Variants in CLVS1 observed in about 807,000 individuals in gnomAD.
CLVS1 encodes the protein clavesin 1, also known as clavesin-1.
CLVS1 carries 10 observed loss-of-function variants against 33.1 expected under a neutral mutation model. That is an observed-to-expected ratio of 0.30 (90% CI 0.19 to 0.51). CLVS1 has a LOEUF of 0.51. CLVS1 is among the 20% of genes least tolerant of loss of function. The pLI is 0.97. For missense variants in CLVS1, 343 were observed against 433.4 expected, an observed-to-expected ratio of 0.79 and a Z score of 1.85; for synonymous variants, 163 against 166.1, an observed-to-expected ratio of 0.98 and a Z score of 0.14.
the CLVS1 span, among the ~76,000 whole-genome samples, chr8:60,980,305 T>C: frequency 2.3e-3 from 356 of 152,326 alleles, 2 homozygotes; most frequent in African/African-American, 8.2e-3. Flanking sequence ...TTGGCATGGA[T>C]GTGTATTTAA....
chr8:61,101,346 A>G (rs965645974), intron 1 of CLVS1, among the ~76,000 whole-genome samples: 4 of 152,044 alleles, frequency 2.6e-5, no homozygotes, highest in African/African-American at 9.7e-5. Flanking sequence ...GCATCTTTTT[A>G]TGTGCTTATT....
intron 2 of CLVS1, among the ~76,000 whole-genome samples, chr8:61,348,515 C>A (rs1254433800): frequency 6.6e-6 from 1 of 152,040 alleles, no homozygotes; most frequent in African/African-American, 2.4e-5. Flanking sequence ...ATCATAACGT[C>A]CTTCAGGTTC....
chr8:61,232,033 T>TTG (rs1808451749), intron 2 of CLVS1, among the ~76,000 whole-genome samples: 2 of 46,684 alleles, frequency 4.3e-5, no homozygotes, highest in Admixed American at 2.2e-4. Flanking sequence ...GTTTTTTTTT[T>TTG]TTTTTTTTTT....
chr8:60,966,733 C>T, the CLVS1 span, among the ~76,000 whole-genome samples: 6 of 152,128 alleles, frequency 3.9e-5, no homozygotes, highest in Non-Finnish European at 5.9e-5. Context: ...GTTGAATGAA[C>T]ATGTAAGAAA....
chr8:60,967,797 G>C, the CLVS1 span: 1 of 416,078 alleles, frequency 2.4e-6, no homozygotes, highest in African/African-American at 2.1e-5. Context: ...TGAGTACTCA[G>C]GGCTGCCTCC....
intron 2 of CLVS1, among the ~76,000 whole-genome samples, chr8:61,188,761 GGTAA>G (rs1332123757): frequency 6.6e-6 from 1 of 151,852 alleles, no homozygotes; most frequent in East Asian, 1.9e-4. Context: ...CATGAAAGAA[GGTAA>G]GTTATGGAGC....
intron 1 of CLVS1, among the ~76,000 whole-genome samples, chr8:61,117,697 C>G (rs1158513157): frequency 6.6e-6 from 1 of 152,122 alleles, no homozygotes; most frequent in Non-Finnish European, 1.5e-5. Context: ...TATATTGAAC[C>G]AGCCTTGCAT....
chr8:61,478,218 A>G (rs1398835068), intron 5 of CLVS1, among the ~76,000 whole-genome samples: 1 of 152,116 alleles, frequency 6.6e-6, no homozygotes, highest in Non-Finnish European at 1.5e-5. Context: ...ACATTTGCTG[A>G]GGAGTGCTGT....
chr8:61,042,340 A>G, the CLVS1 span, among the ~76,000 whole-genome samples: 1 of 152,198 alleles, frequency 6.6e-6, no homozygotes, highest in African/African-American at 2.4e-5. Context: ...CTCTATCTTC[A>G]TATTCTTGTA....
chr8:61,216,919 C>T (rs909912740), intron 2 of CLVS1, among the ~76,000 whole-genome samples: 2 of 152,082 alleles, frequency 1.3e-5, no homozygotes, highest in African/African-American at 4.8e-5. Flanking sequence ...CATATATTTT[C>T]CTTCTGAAGG....
intron 1 of CLVS1, among the ~76,000 whole-genome samples, chr8:61,063,321 T>C (rs1804619936): frequency 7.6e-6 from 1 of 131,878 alleles, no homozygotes; most frequent in African/African-American, 3.0e-5. Context: ...ACAGTCATTT[T>C]CCTGGTGGGG....
intron 5 of CLVS1, among the ~76,000 whole-genome samples, chr8:61,460,757 G>A (rs7832524): frequency 0.15 from 22,981 of 152,132 alleles, 4,820 homozygotes; most frequent in African/African-American, 0.47. Context: ...CCAGCCCAAA[G>A]AACTGTTGCC....
intron 5 of CLVS1, among the ~76,000 whole-genome samples, chr8:61,468,138 A>G (rs745890734): frequency 3.3e-5 from 5 of 152,246 alleles, no homozygotes; most frequent in Non-Finnish European, 5.9e-5. Flanking sequence ...AATATTAACA[A>G]CAATGTAAAA....
intron 1 of CLVS1, among the ~76,000 whole-genome samples, chr8:61,097,564 G>C (rs777169565): frequency 2.0e-4 from 31 of 152,306 alleles, no homozygotes; most frequent in Non-Finnish European, 4.0e-4. Context: ...AGAAGAGAGA[G>C]TTCTCTGCTT....
intron 1 of CLVS1, among the ~76,000 whole-genome samples, chr8:61,072,449 C>A (rs1461098106): frequency 6.6e-6 from 1 of 152,152 alleles, no homozygotes; most frequent in Non-Finnish European, 1.5e-5. Context: ...AATTTATAGA[C>A]CTTATATATT....
chr8:61,498,964 T>C (rs1252320999), intron 5 of CLVS1, among the ~76,000 whole-genome samples: 3 of 152,326 alleles, frequency 2.0e-5, no homozygotes, highest in East Asian at 3.9e-4. Context: ...ACAAACTTTA[T>C]ATATCTGAAG....
At chr8:61,116,691 C>T (rs1198665215) in intron 1 of CLVS1, among the ~76,000 whole-genome samples, 23 of 147,868 alleles carry the variant, frequency 1.6e-4, no homozygotes, top group East Asian at 6.1e-4. Context: ...AGATATGCGG[C>T]GTTATTTCTG....
At chr8:61,026,228 C>T in the CLVS1 span, among the ~76,000 whole-genome samples, 1 of 152,132 alleles carries the variant, frequency 6.6e-6, no homozygotes, top group Non-Finnish European at 1.5e-5. Context: ...AGGGAAGACC[C>T]TCTTCATGAG....
intron 2 of CLVS1, among the ~76,000 whole-genome samples, chr8:61,197,468 A>C (rs1563441258): frequency 6.6e-6 from 1 of 152,124 alleles, no homozygotes; most frequent in Non-Finnish European, 1.5e-5. Context: ...CTATAGTATA[A>C]TTTGAAGTCA....
Sources: gnomAD v4.1 joint callset for allele counts (sites outside exome capture counted in the v4.1 genomes callset) on GRCh38, gnomAD v4.1.1 for gene constraint, MANE v1.5 for transcripts, NCBI Gene and HGNC (gene_info 2026-07-23, HGNC 2026-07-21) for gene names.